The following IL1RAP variants were observed in gnomAD, a reference collection of about 807,000 sequenced individuals.
IL1RAP encodes the protein interleukin-1 receptor accessory protein.
In IL1RAP, 35 loss-of-function variants were observed where a neutral mutation model predicts 60.7. The ratio of observed to expected loss-of-function variants is 0.58; its 90% confidence interval spans 0.44 to 0.76. The LOEUF (loss-of-function observed/expected upper bound fraction) is 0.76, where lower values mean the gene tolerates loss of function less well. Ranked by LOEUF, IL1RAP falls within the 30% of genes least tolerant of loss-of-function variation. The probability of loss-of-function intolerance (pLI) is 0.00; values close to 1 mark genes in which losing one functional copy is unlikely to be tolerated. For synonymous variants in IL1RAP, 268 were observed against 250.9 expected (o/e 1.07, Z -0.64); for missense variants, 572 against 693.9 (o/e 0.82, Z 1.97).
At chr3:190,575,856 C>T (rs57480365) in intron 3 of IL1RAP, among the ~76,000 whole-genome samples, 5,172 of 152,268 alleles carry the variant, frequency 0.034, 160 homozygotes, top group East Asian at 0.099. Context: ...TGCTGTAAAG[C>T]AGCTAGAAAT....
At chr3:190,609,311 T>C in intron 5 of IL1RAP, 130 bp downstream of exon 5, 28 of 598,094 alleles carry the variant, frequency 4.7e-5, no homozygotes, top group Admixed American at 1.8e-4. Context: ...AATAGCTTTA[T>C]GGAAGTATTT....
intron 1 of IL1RAP, among the ~76,000 whole-genome samples, chr3:190,521,504 G>A (rs1440484420): frequency 1.3e-5 from 2 of 149,848 alleles, no homozygotes; most frequent in Admixed American, 1.3e-4. Flanking sequence ...CTGGTTAGTT[G>A]CGTTTCCTTC....
intron 1 of IL1RAP, among the ~76,000 whole-genome samples, chr3:190,533,856 T>C (rs1723197665): frequency 6.6e-6 from 1 of 152,196 alleles, no homozygotes; most frequent in African/African-American, 2.4e-5. Context: ...CCCTTTGCGG[T>C]TGGCAGCATA....
At chr3:190,634,641 T>G (rs1293472862) in intron 9 of IL1RAP, among the ~76,000 whole-genome samples, 1 of 152,106 alleles carries the variant, frequency 6.6e-6, no homozygotes, top group Non-Finnish European at 1.5e-5. Flanking sequence ...TGTGAAAGCC[T>G]ATGGGTAAAA....
intron 3 of IL1RAP, among the ~76,000 whole-genome samples, chr3:190,581,048 G>C (rs1727954284): frequency 6.6e-6 from 1 of 152,158 alleles, no homozygotes; most frequent in South Asian, 2.1e-4. Flanking sequence ...GGTCTTCAGA[G>C]GACTCAGCCC....
exon 12 of IL1RAP, chr3:190,659,702 G>A (rs563808800): frequency 6.6e-6 from 1 of 152,254 alleles, no homozygotes; most frequent in East Asian, 1.9e-4. Flanking sequence ...TGGTCTCTCT[G>A]AGCCTCAATT....
chr3:190,536,794 T>A (rs182659118), intron 1 of IL1RAP, among the ~76,000 whole-genome samples: 23 of 152,302 alleles, frequency 1.5e-4, no homozygotes, highest in Non-Finnish European at 2.6e-4. Context: ...AAAAGAAATG[T>A]AATTACATAA....
At chr3:190,651,922 C>G (rs1017980034), downstream of IL1RAP, among the ~76,000 whole-genome samples, 1 of 152,084 alleles carries the variant, frequency 6.6e-6, no homozygotes, top group Non-Finnish European at 1.5e-5. Context: ...TTCCTTTTTA[C>G]TCAACTTGGA....
At chr3:190,614,080 C>T (rs553793438) in intron 5 of IL1RAP, among the ~76,000 whole-genome samples, 10 of 151,812 alleles carry the variant, frequency 6.6e-5, no homozygotes, top group African/African-American at 2.4e-4. Context: ...AGCATCTACC[C>T]GGATGTCTTG....
chr3:190,572,454 G>C (rs1047287328), intron 3 of IL1RAP, among the ~76,000 whole-genome samples: 11 of 152,052 alleles, frequency 7.2e-5, no homozygotes, highest in East Asian at 5.8e-4. Flanking sequence ...AAGAGAGAGA[G>C]AGACCTTTTT....
intron 1 of IL1RAP, among the ~76,000 whole-genome samples, chr3:190,537,168 A>G (rs192324616): frequency 6.6e-6 from 1 of 152,332 alleles, no homozygotes; most frequent in East Asian, 1.9e-4. Flanking sequence ...AGAAACAAGA[A>G]GTGATAGAGA....
intron 1 of IL1RAP, among the ~76,000 whole-genome samples, chr3:190,534,564 G>T (rs1227501702): frequency 6.6e-6 from 1 of 152,142 alleles, no homozygotes; most frequent in Non-Finnish European, 1.5e-5. Flanking sequence ...AGCAACTTCA[G>T]CTCCTTTTGC....
intron 3 of IL1RAP, among the ~76,000 whole-genome samples, chr3:190,601,772 G>C (rs1450502650): frequency 6.6e-6 from 1 of 151,778 alleles, no homozygotes; most frequent in Admixed American, 6.6e-5. Context: ...TTGTACCTTT[G>C]GTCAGTTGTG....
intron 3 of IL1RAP, among the ~76,000 whole-genome samples, chr3:190,566,791 G>A (rs750367890): frequency 9.9e-5 from 15 of 152,202 alleles, no homozygotes; most frequent in Non-Finnish European, 1.8e-4. Context: ...CTCTGGGCTA[G>A]TGGGGGAAGA....
At chr3:190,577,714 T>C (rs1182822989) in intron 3 of IL1RAP, among the ~76,000 whole-genome samples, 5 of 152,028 alleles carry the variant, frequency 3.3e-5, no homozygotes, top group Non-Finnish European at 7.4e-5. Flanking sequence ...AATTTTTTTG[T>C]GGAGATGGGG....
rs115750252 is a variant in IL1RAP at position 190,531,062 on chromosome 3, A to C, written c.-89+16843A>C. Reference sequence around the variant, plus strand: ...CACCACTGCCTGATAATCTTGGGACATATCTTTGTTCATGCTGTGTCCTTG... The same window carrying C: ...CACCACTGCCTGATAATCTTGGGACCTATCTTTGTTCATGCTGTGTCCTTG... On this transcript the variant is annotated intron_variant, in intron 1 of 11. Coordinates refer to ENST00000447382, the MANE Select transcript of IL1RAP (RefSeq NM_002182.4). 4.7e-3 allele frequency among the ~76,000 whole-genome samples: 719 copies of C among 152,250 alleles called. 4 individuals carry two copies. The highest frequency in any genetic ancestry group is 0.015 in the African/African-American group (630 of 41,546).
chr3:190,651,396 G>C lies in IL1RAP; in HGVS notation c.*2691G>C, dbSNP rs1176150020. On this transcript the variant is annotated 3_prime_UTR_variant, in exon 12 of 12. Coordinates refer to ENST00000447382, the MANE Select transcript of IL1RAP (RefSeq NM_002182.4). Reference sequence around the variant, plus strand: ...TTAATTACTTATTTTCTTTCCATAGGTTTTAATATTTTGAGAGTGTCTTTT... The same window carrying C: ...TTAATTACTTATTTTCTTTCCATAGCTTTTAATATTTTGAGAGTGTCTTTT... 3.9e-6 allele frequency: 3 copies of C among 766,226 alleles called. No homozygotes were observed. In the African/African-American group the frequency reaches 5.7e-5, roughly 15 times the overall value. The allele number at this position is 766,226 out of a possible 1,614,324, so 47.5% of individuals were successfully genotyped here. A position where few individuals can be genotyped will look rare whatever the true frequency, so the allele number is the denominator to read the frequency against.
chr3:190,634,804 C>T (rs1212044530), intron 9 of IL1RAP, among the ~76,000 whole-genome samples: 2 of 151,208 alleles, frequency 1.3e-5, no homozygotes, highest in Admixed American at 6.6e-5. Context: ...CAAGCTCGGC[C>T]TCCCGGGTTC....
intron 2 of IL1RAP, among the ~76,000 whole-genome samples, chr3:190,558,559 G>A (rs147049688): frequency 6.2e-4 from 95 of 152,206 alleles, no homozygotes; most frequent in African/African-American, 2.2e-3. Context: ...GACTCTTCAT[G>A]TGTTTATTTG....
Sources: allele counts gnomAD v4.1 joint callset (sites outside exome capture counted in the v4.1 genomes callset), GRCh38; gene constraint gnomAD v4.1.1; transcripts MANE v1.5; gene names NCBI Gene and HGNC (gene_info 2026-07-23, HGNC 2026-07-21).